LRP8: variants seen among roughly 807,000 people sequenced by gnomAD.
The protein encoded by LRP8 is low-density lipoprotein receptor-related protein 8.
In LRP8, 46 loss-of-function variants were observed where a neutral mutation model predicts 111.6. The ratio of observed to expected loss-of-function variants is 0.41; its 90% CI spans 0.33 to 0.53. The LOEUF is 0.53. Among genes scored for constraint, LRP8 ranks in the 20% least tolerant of loss-of-function variants. The probability of loss-of-function intolerance (pLI) is 0.20; values close to 1 mark genes in which losing one functional copy is unlikely to be tolerated. For missense variants in LRP8, 959 were observed against 1,297.4 expected (o/e 0.74, Z 4.01); for synonymous variants, 464 against 511.2 (o/e 0.91, Z 1.24).
chr1:53,249,410 A>C lies in LRP8; in HGVS notation c.2823T>G (p.Pro941=), dbSNP rs752960134. 1.2e-6 allele frequency: 2 copies of C among 1,614,058 alleles called. No individual in the cohort carries two copies. The highest frequency in any genetic ancestry group is 1.3e-5 in the African/African-American group (1 of 74,918). The part of the protein sequence containing the change: ...RSQLHQLPKN[P]LSELPVVKSK... ...ATTTGACGACAGGCAGCTCGGAAAGAGGGTTCTTCGGGAGTTGGTGCAGCT... is the reference window on the plus strand; with the variant it reads ...ATTTGACGACAGGCAGCTCGGAAAGCGGGTTCTTCGGGAGTTGGTGCAGCT... The change falls in exon 18 of 19, where the codon CCT becomes CCG. Residue 941 remains proline, a synonymous_variant. Transcript: ENST00000306052. The surrounding 1 kb of genome is among the most constrained non-coding windows in gnomAD (Gnocchi z 4.1).
At chr1:53,276,657 C>T (rs775630625) in intron 5 of LRP8, 35 bp downstream of exon 5, 1 of 1,471,850 alleles carries the variant, frequency 6.8e-7, no homozygotes. Flanking sequence ...ATCCGCAATC[C>T]CTGGGCGGGG....
In LRP8 at chr1:53,327,109, C is replaced by A. The variant is rs570371585; in HGVS notation, c.125-117G>T. The A allele has an allele frequency of 3.2e-5, 45 of 1,415,838 alleles. No individual in the cohort carries two copies. In the South Asian group the frequency reaches 5.8e-4, roughly 18 times the overall value. 87.7% of individuals were successfully genotyped at this position (1,415,838 alleles called of 1,614,324 possible). A position where few individuals can be genotyped will look rare whatever the true frequency, so the allele number is the denominator to read the frequency against. On this transcript the variant is annotated intron_variant, in intron 1 of 18. Coordinates refer to ENST00000306052, the MANE Select transcript of LRP8 (RefSeq NM_004631.5). ...GGAGGAAAGGGGGCGATTATGGAGA[C>A]CCCGGGGGCTTCAGGCACACTCCAT...
intron 2 of LRP8, among the ~76,000 whole-genome samples, chr1:53,302,182 C>T (rs1458540514): frequency 6.6e-6 from 1 of 152,072 alleles, no homozygotes; most frequent in Admixed American, 6.5e-5. Flanking sequence ...AAGCCTGCCC[C>T]GAGGAACTAT....
chr1:53,299,579 C>G (rs1018713308), intron 2 of LRP8, among the ~76,000 whole-genome samples: 3 of 152,172 alleles, frequency 2.0e-5, no homozygotes, highest in Non-Finnish European at 2.9e-5. Flanking sequence ...TCTCTGCCAC[C>G]CCCAGCCTCA....
chr1:53,272,119 A>G (rs1295311604), intron 6 of LRP8, among the ~76,000 whole-genome samples: 1 of 151,908 alleles, frequency 6.6e-6, no homozygotes, highest in Non-Finnish European at 1.5e-5. Flanking sequence ...ACATGGAGCC[A>G]TTGCTAAATC....
intron 3 of LRP8, among the ~76,000 whole-genome samples, chr1:53,286,947 AT>A (rs1647652911): frequency 6.6e-6 from 1 of 152,276 alleles, no homozygotes. Context: ...GGCAGGTACC[AT>A]TACCACATTT....
intron 15 of LRP8, among the ~76,000 whole-genome samples, chr1:53,256,871 T>C (rs1338481668): frequency 6.6e-6 from 1 of 152,040 alleles, no homozygotes; most frequent in Non-Finnish European, 1.5e-5. Context: ...TTGTGAAACA[T>C]AGACACACAC....
intron 4 of LRP8, among the ~76,000 whole-genome samples, chr1:53,278,654 G>C (rs980685567): frequency 2.6e-5 from 4 of 151,756 alleles, no homozygotes; most frequent in Non-Finnish European, 5.9e-5. Context: ...TCAATATTAC[G>C]CTGACACCTA....
At position 53,262,665 on chromosome 1, in the gene LRP8, G is replaced by GT; in HGVS notation, c.1656-102dup. ...AACCCATTGACTAGTTGTGGTTTAT[G>GT]TTTAGTAGGGACTGAGAAGACCTCT... On this transcript the variant is annotated intron_variant, in intron 10 of 18. Coordinates refer to ENST00000306052, the MANE Select transcript of LRP8 (RefSeq NM_004631.5). This position sits in a 1 kb window ranked among gnomAD's most constrained non-coding sequence, Gnocchi z 4.8. 1 of 886,500 alleles carries GT rather than the reference G, an allele frequency of 1.1e-6. No homozygotes were observed. The highest frequency in any genetic ancestry group is 2.4e-5 in the East Asian group (1 of 41,514). The allele number at this position is 886,500 out of a possible 1,614,324, so 54.9% of individuals were successfully genotyped here.
At chr1:53,256,228 C>T (rs1646082802) in intron 15 of LRP8, among the ~76,000 whole-genome samples, 1 of 152,258 alleles carries the variant, frequency 6.6e-6, no homozygotes, top group Non-Finnish European at 1.5e-5. Flanking sequence ...CATCCTCTCT[C>T]AATGTGACTG....
intron 2 of LRP8, among the ~76,000 whole-genome samples, chr1:53,297,501 C>T (rs1014996309): frequency 6.6e-6 from 1 of 152,196 alleles, no homozygotes; most frequent in Non-Finnish European, 1.5e-5. Context: ...GGCTCTGGGG[C>T]TCAAGCCACC....
chr1:53,283,080 AC>A (rs1053394631), intron 3 of LRP8, among the ~76,000 whole-genome samples: 2 of 152,128 alleles, frequency 1.3e-5, no homozygotes, highest in Non-Finnish European at 2.9e-5. Flanking sequence ...CCATGTTGGA[AC>A]TTAATCCTCA....
Position 53,271,152 on chromosome 1 carries a change from G to A in LRP8, c.1128C>T (p.Asp376=). ...CATCTGGGTCCTTGCACTCATCAAT[G>A]TCTGTGGGGAGGAGCAGGAGTCAGA... is the stretch of plus-strand genomic sequence containing the variant. The part of the protein sequence containing the change: ...FQLLDQKTCG[D]IDECKDPDAC... The change falls in exon 8 of 19, where the codon GAC becomes GAT. Residue 376 remains aspartate (D), a splice_region_variant and synonymous_variant. Coordinates refer to ENST00000306052, the MANE Select transcript of LRP8 (RefSeq NM_004631.5). 1.2e-6 allele frequency: 2 copies of A among 1,614,006 alleles called. No individual in the cohort carries two copies. Among genetic ancestry groups the A allele is most frequent in the Non-Finnish European group, 1.7e-6 (2 of 1,180,016 alleles).
chr1:53,266,631 G>T lies in LRP8; in HGVS notation c.1269C>A (p.Ser423=). ...CCTCGTGCCGGTTGGTGAAGATTAG[G>T]GATGGGCTCTTGCCAGCTGTCATGC... ...NCKAAAGKSP[S]LIFTNRHEVR... Residue 423 remains serine, a synonymous_variant, in exon 9 of 19, where the codon TCC becomes TCA. Coordinates refer to ENST00000306052, the MANE Select transcript of LRP8 (RefSeq NM_004631.5). This position sits in a 1 kb window ranked among gnomAD's most constrained non-coding sequence, Gnocchi z 5.0. 1 of 1,614,006 alleles carries T rather than the reference G, an allele frequency of 6.2e-7. No homozygotes were observed. Among genetic ancestry groups the T allele is most frequent in the Non-Finnish European group, 8.5e-7 (1 of 1,179,942 alleles).
chr1:53,288,516 G>A (rs965377520), intron 3 of LRP8: 8 of 151,508 alleles, frequency 5.3e-5, no homozygotes, highest in Admixed American at 6.6e-5. Flanking sequence ...GTCTCGGGTG[G>A]GGGCCGCTCT....
chr1:53,303,858 G>A lies in LRP8; in HGVS notation c.245-14169C>T, dbSNP rs528940710. ...GGGACTCAGTCAGCCGTGCTGGCTGGAGGCTGAACACGTTCCTTCCTCTTG... is the reference window on the plus strand; with the variant it reads ...GGGACTCAGTCAGCCGTGCTGGCTGAAGGCTGAACACGTTCCTTCCTCTTG... On this transcript the variant is annotated intron_variant, in intron 2 of 18. Coordinates refer to ENST00000306052, the MANE Select transcript of LRP8 (RefSeq NM_004631.5). The surrounding 1 kb of genome is among the most constrained non-coding windows in gnomAD (Gnocchi z 4.3). 3.3e-5 allele frequency among the ~76,000 whole-genome samples: 5 copies of A among 152,342 alleles called. No individual in the cohort carries two copies. The East Asian group carries it at 9.7e-4, about 29-fold the overall frequency.
At chr1:53,316,542 A>G (rs1653831105) in intron 2 of LRP8, among the ~76,000 whole-genome samples, 2 of 152,154 alleles carry the variant, frequency 1.3e-5, no homozygotes, top group Admixed American at 6.5e-5. Flanking sequence ...CCCTGCCCCC[A>G]TGCTTCCAGC....
At position 53,249,026 on chromosome 1, in the gene LRP8, C is replaced by T. The variant is rs1331617296; in HGVS notation, c.2853+354G>A. Reference sequence around the variant, plus strand: ...CAAGTTCAGTGCTTCTTCCACTGTGCTCCCTCTGATCTTCAAAAACTGGTC... The same window carrying T: ...CAAGTTCAGTGCTTCTTCCACTGTGTTCCCTCTGATCTTCAAAAACTGGTC... On this transcript the variant is annotated intron_variant, in intron 18 of 18. Transcript: ENST00000306052. This position sits in a 1 kb window ranked among gnomAD's most constrained non-coding sequence, Gnocchi z 4.1. Among the ~76,000 whole-genome samples, 3 of 152,312 alleles carry T rather than the reference C, an allele frequency of 2.0e-5. No individual in the cohort carries two copies. In the East Asian group the frequency reaches 5.8e-4, roughly 29 times the overall value.
At chr1:53,318,763 G>A (rs17370282) in intron 2 of LRP8, among the ~76,000 whole-genome samples, 1,879 of 151,546 alleles carry the variant, frequency 0.012, 21 homozygotes, top group Middle Eastern at 0.02. Context: ...GAAAACAACC[G>A]GCATAACATG....
Sources: gnomAD v4.1 joint callset for allele counts (sites outside exome capture counted in the v4.1 genomes callset) on GRCh38, gnomAD v4.1.1 for gene constraint, Gnocchi (gnomAD v3.1) non-coding constraint, MANE v1.5 for transcripts, NCBI Gene and HGNC (gene_info 2026-07-23, HGNC 2026-07-21) for gene names.